CENPC: variants seen among roughly 807,000 people sequenced by gnomAD.
CENPC encodes centromere protein C.
Under a neutral mutation model 112.1 loss-of-function variants are expected in CENPC, and 63 were observed. The observed-to-expected ratio is 0.56, with a 90% CI of 0.46 to 0.69. CENPC has a LOEUF of 0.69. Ranked by LOEUF, CENPC falls within the 30% of genes least tolerant of loss-of-function variation. The pLI is 0.00. For synonymous variants in CENPC, 333 were observed against 367.6 expected, an observed-to-expected ratio of 0.91 and a Z score of 1.08; for missense variants, 1,000 against 1,103.8, an observed-to-expected ratio of 0.91 and a Z score of 1.33.
At chr4:67,508,483 G>A (rs368032608) in intron 10 of CENPC, among the ~76,000 whole-genome samples, 17 of 129,396 alleles carry the variant, frequency 1.3e-4, no homozygotes, top group East Asian at 1.3e-3. Flanking sequence ...CTGCACTCCA[G>A]CCTGGGAAAC....
In CENPC at chr4:67,539,116, A is replaced by G. The variant is rs188067778; in HGVS notation, c.231+724T>C. Among the ~76,000 whole-genome samples the G allele has an allele frequency of 1.2e-3, 189 of 152,312 alleles. 1 individual carries two copies. The highest frequency in any genetic ancestry group is 4.4e-3 in the African/African-American group (184 of 41,584). ...AGGCAAACCTAATCAAAAAAAGTTAATACTTTATGACCAAGTCAAGTTTAT... is the reference window on the plus strand; with the variant it reads ...AGGCAAACCTAATCAAAAAAAGTTAGTACTTTATGACCAAGTCAAGTTTAT... On this transcript the variant is annotated intron_variant, in intron 4 of 18. Transcript: ENST00000273853.
At chr4:67,507,425 T>C (rs906266143) in intron 10 of CENPC, among the ~76,000 whole-genome samples, 6 of 152,104 alleles carry the variant, frequency 3.9e-5, no homozygotes, top group African/African-American at 1.4e-4. Context: ...GGTTCTAGTA[T>C]CCTCCTGGGT....
At position 67,509,201 on chromosome 4, in the gene CENPC, TACACATACAC is replaced by T. The variant is rs377465400; in HGVS notation, c.1613-106_1613-97del. ...GCATTTATATTTGCATATAAACATA[TACACATACAC>T]ACACACACACACACACACACACACA... On this transcript the variant is annotated intron_variant, in intron 9 of 18. Coordinates refer to ENST00000273853, the MANE Select transcript of CENPC (RefSeq NM_001812.4). 1.1e-4 allele frequency: 62 copies of T among 576,166 alleles called. 1 individual carries two copies. The highest frequency in any genetic ancestry group is 3.6e-4 in the South Asian group (18 of 50,216). The allele number at this position is 576,166 out of a possible 1,614,324, so 35.7% of individuals were successfully genotyped here. A position where few individuals can be genotyped will look rare whatever the true frequency, so the allele number is the denominator to read the frequency against.
chr4:67,475,956 A>G (rs1398861416), intron 17 of CENPC, among the ~76,000 whole-genome samples: 1 of 152,202 alleles, frequency 6.6e-6, no homozygotes, highest in East Asian at 1.9e-4. Flanking sequence ...AGTCAACAGC[A>G]AACTGCCTAC....
chr4:67,514,680 C>A lies in CENPC; in HGVS notation c.838G>T (p.Val280Phe), dbSNP rs773051435. 2 of 1,605,940 alleles carry A rather than the reference C, an allele frequency of 1.2e-6. No homozygotes were observed. Among genetic ancestry groups the A allele is most frequent in the African/African-American group, 2.7e-5 (2 of 74,886 alleles). ...VKRKSESSPI[V>F]RHAATAPPHS... ...GGTGGAGCAGTTGCCGCATGCCTAA[C>A]AATGGGACTGAAACAGGGTGATACT... is the stretch of plus-strand genomic sequence containing the variant. Residue 280 changes from valine (V) to phenylalanine (F), a missense_variant, in exon 8 of 19, where the codon GTT becomes TTT. Physicochemically the swap from Val to Phe is conservative, Grantham distance 50 (BLOSUM62 -1). Coordinates refer to ENST00000273853, the MANE Select transcript of CENPC (RefSeq NM_001812.4).
chr4:67,478,666 A>ACACACACACACACCCC (rs146500743), intron 17 of CENPC, among the ~76,000 whole-genome samples: 1 of 76,642 alleles, frequency 1.3e-5, no homozygotes, highest in African/African-American at 3.8e-5. Context: ...ACACACACAC[A>ACACACACACACACCCC]CCCAAAGTAT....
At chr4:67,491,960 G>A (rs1417199846) in intron 16 of CENPC, among the ~76,000 whole-genome samples, 1 of 152,128 alleles carries the variant, frequency 6.6e-6, no homozygotes, top group African/African-American at 2.4e-5. Flanking sequence ...TGCCCCAGAG[G>A]ACAAGTCCGG....
At position 67,485,567 on chromosome 4, in the gene CENPC, G is replaced by A. The variant is rs186546759; in HGVS notation, c.2670+4400C>T. 6.4e-3 allele frequency among the ~76,000 whole-genome samples: 978 copies of A among 152,242 alleles called. 12 individuals carry two copies. Among genetic ancestry groups the A allele is most frequent in the Middle Eastern group, 6.8e-3 (2 of 294 alleles). ...GAATGGGACTAGTGCCCTTATAAGA[G>A]ACACAGATCAAAGTCTATGGTATTC... On this transcript the variant is annotated intron_variant, in intron 17 of 18. Coordinates refer to ENST00000273853, the MANE Select transcript of CENPC (RefSeq NM_001812.4).
At chr4:67,486,927 C>A (rs1437811579) in intron 17 of CENPC, among the ~76,000 whole-genome samples, 1 of 146,738 alleles carries the variant, frequency 6.8e-6, no homozygotes, top group Non-Finnish European at 1.5e-5. Flanking sequence ...GTAGTTAAAT[C>A]TAGAGACTTG....
chr4:67,494,950 G>A (rs568758372), intron 13 of CENPC, among the ~76,000 whole-genome samples: 1 of 152,144 alleles, frequency 6.6e-6, no homozygotes, highest in African/African-American at 2.4e-5. Context: ...GAGGGCAATA[G>A]GATTTATAAA....
chr4:67,486,968 G>GTGTT (rs1725110251), intron 17 of CENPC, among the ~76,000 whole-genome samples: 1 of 131,820 alleles, frequency 7.6e-6, no homozygotes, highest in African/African-American at 2.8e-5. Context: ...TTGCTTTTAG[G>GTGTT]TTTTTTTTTT....
chr4:67,545,289 C>T, intron 1 of CENPC, 49 bp downstream of exon 1: 1 of 1,454,636 alleles, frequency 6.9e-7, no homozygotes. Flanking sequence ...GCGCCCGTGC[C>T]CCAGCCAGCC....
chr4:67,509,896 T>C (rs925275785), intron 9 of CENPC, among the ~76,000 whole-genome samples: 3 of 152,198 alleles, frequency 2.0e-5, no homozygotes, highest in African/African-American at 4.8e-5. Flanking sequence ...AGTTATTATC[T>C]ATAGCTTCAG....
intron 9 of CENPC, chr4:67,512,039 T>TTTAGATTATAAAC (rs1725906006): frequency 6.0e-6 from 1 of 167,608 alleles, no homozygotes; most frequent in Non-Finnish European, 1.3e-5. Context: ...ACTATAATCT[T>TTTAGATTATAAAC]TTAGATTATA....
intron 2 of CENPC, among the ~76,000 whole-genome samples, chr4:67,542,306 A>G (rs188314453): frequency 1.6e-4 from 25 of 152,322 alleles, no homozygotes; most frequent in African/African-American, 5.8e-4. Context: ...TTGAAATAAA[A>G]CCTGTGACAA....
intron 8 of CENPC, among the ~76,000 whole-genome samples, chr4:67,513,742 C>T (rs1419089802): frequency 2.0e-5 from 3 of 151,844 alleles, no homozygotes; most frequent in Admixed American, 6.6e-5. Flanking sequence ...AAAAATAGTC[C>T]CACGGTACCC....
intron 12 of CENPC, among the ~76,000 whole-genome samples, chr4:67,498,213 T>C (rs557975950): frequency 1.3e-5 from 2 of 152,232 alleles, no homozygotes; most frequent in Admixed American, 6.5e-5. Flanking sequence ...CCAGCCTGGG[T>C]ATTAGAGCAA....
At chr4:67,498,104 C>T (rs768994068) in intron 12 of CENPC, among the ~76,000 whole-genome samples, 3 of 151,716 alleles carry the variant, frequency 2.0e-5, no homozygotes, top group Non-Finnish European at 4.4e-5. Flanking sequence ...TGGTGGTGTA[C>T]ACTTTGTAAT....
Position 67,545,388 on chromosome 4 carries a change from G to A in CENPC, c.-33C>T. 2 of 1,510,114 alleles carry A rather than the reference G, an allele frequency of 1.3e-6. No individual in the cohort carries two copies. Among genetic ancestry groups the A allele is most frequent in the Admixed American group, 2.1e-5 (1 of 48,030 alleles). 93.5% of individuals were successfully genotyped at this position (1,510,114 alleles called of 1,614,324 possible). A position where few individuals can be genotyped will look rare whatever the true frequency, so the allele number is the denominator to read the frequency against. ...CCCCGCTGAGCCAGCGCAACTGTCT[G>A]AGGTGGAAGCCCACACGGACCACAG... On this transcript the variant is annotated 5_prime_UTR_variant, in exon 1 of 19. Transcript: ENST00000273853.
Sources: allele counts gnomAD v4.1 joint callset (sites outside exome capture counted in the v4.1 genomes callset), GRCh38; gene constraint gnomAD v4.1.1; transcripts MANE v1.5; gene names NCBI Gene and HGNC (gene_info 2026-07-23, HGNC 2026-07-21).